NHSL2: variants seen among roughly 807,000 people sequenced by gnomAD.
NHSL2 encodes the protein NHS-like protein 2.
In NHSL2, 27 loss-of-function variants were observed where a neutral mutation model predicts 53.4. The observed-to-expected ratio is 0.51, with a 90% CI of 0.37 to 0.70. NHSL2 has a LOEUF of 0.70. Among genes scored for constraint, NHSL2 ranks in the 30% least tolerant of loss-of-function variants. The probability of loss-of-function intolerance (pLI) is 0.00; values close to 1 mark genes in which losing one functional copy is unlikely to be tolerated. For synonymous variants in NHSL2, 408 were observed against 404.1 expected, an observed-to-expected ratio of 1.01 and a Z score of -0.12; for missense variants, 892 against 980.1, an observed-to-expected ratio of 0.91 and a Z score of 1.20.
chrX:72,126,318 G>A (rs1406649234), intron 1 of NHSL2, among the ~76,000 whole-genome samples: 1 of 111,176 alleles, frequency 9.0e-6, no homozygotes, highest in Non-Finnish European at 1.9e-5. Flanking sequence ...AGTGGGGGCA[G>A]AGAGGTGCTA....
intron 1 of NHSL2, among the ~76,000 whole-genome samples, chrX:72,050,280 G>A (rs954828118): frequency 9.0e-6 from 1 of 111,255 alleles, no homozygotes; most frequent in East Asian, 2.8e-4. Flanking sequence ...TAGGGGCAAG[G>A]GTGGCAATGA....
intron 1 of NHSL2, among the ~76,000 whole-genome samples, chrX:72,058,452 C>T (rs1006564761): frequency 9.0e-6 from 1 of 111,681 alleles, no homozygotes; most frequent in Non-Finnish European, 1.9e-5. Context: ...TCAAGCGATT[C>T]TCCTGCCTCA....
At chrX:72,007,861 T>C (rs996659026) in intron 1 of NHSL2, among the ~76,000 whole-genome samples, 1 of 112,960 alleles carries the variant, frequency 8.9e-6, no homozygotes, top group African/African-American at 3.2e-5. Context: ...GGCTGATCTC[T>C]TTGGATTGAT....
intron 1 of NHSL2, among the ~76,000 whole-genome samples, chrX:72,125,051 G>A (rs1289025584): frequency 2.7e-5 from 2 of 75,387 alleles, no homozygotes; most frequent in Admixed American, 1.5e-4. Context: ...AAGCATTGGC[G>A]CATCTGACAG....
intron 1 of NHSL2, among the ~76,000 whole-genome samples, chrX:71,986,570 A>G (rs59896153): frequency 8.9e-6 from 1 of 112,638 alleles, no homozygotes; most frequent in East Asian, 2.8e-4. Flanking sequence ...TTTGAAACAG[A>G]AAACCAAATT....
At chrX:72,143,116 TGA>T in intron 7 of NHSL2, 135 bp from the exon 8 acceptor site, 41 of 449,466 alleles carry the variant, frequency 9.1e-5, no homozygotes, top group South Asian at 1.9e-4. Context: ...GATTTAGAGG[TGA>T]GAGAGAGAGA....
intron 1 of NHSL2, among the ~76,000 whole-genome samples, chrX:72,059,054 G>A (rs2042385275): frequency 9.0e-6 from 1 of 111,319 alleles, no homozygotes; most frequent in African/African-American, 3.3e-5. Flanking sequence ...CCAGCTCTGA[G>A]CTCTGGATCA....
At chrX:71,921,092 C>T (rs2041655883) in intron 1 of NHSL2, among the ~76,000 whole-genome samples, 1 of 109,206 alleles carries the variant, frequency 9.2e-6, no homozygotes, top group East Asian at 3.0e-4. Flanking sequence ...CGTGAGCCAC[C>T]GTTCCCGGCC....
intron 1 of NHSL2, among the ~76,000 whole-genome samples, chrX:72,126,247 G>A (rs1450534703): frequency 8.9e-6 from 1 of 111,738 alleles, no homozygotes; most frequent in Non-Finnish European, 1.9e-5. Context: ...TGGAGGCAGG[G>A]GGGGTAGGAC....
chrX:72,066,501 C>T (rs1342871945), intron 1 of NHSL2, among the ~76,000 whole-genome samples: 1 of 110,806 alleles, frequency 9.0e-6, no homozygotes, highest in Non-Finnish European at 1.9e-5. Context: ...GCTCCAGGGG[C>T]CACAATGGGG....
intron 1 of NHSL2, among the ~76,000 whole-genome samples, chrX:72,072,943 G>A (rs889259280): frequency 8.9e-6 from 1 of 111,768 alleles, no homozygotes; most frequent in Admixed American, 9.5e-5. Context: ...AACCTGCAGG[G>A]TGATCTTAGG....
chrX:71,928,864 T>C (rs1440001431), intron 1 of NHSL2, among the ~76,000 whole-genome samples: 1 of 112,051 alleles, frequency 8.9e-6, no homozygotes, highest in Non-Finnish European at 1.9e-5. Context: ...GAAGGTTTTG[T>C]CAGGCCAATA....
Position 72,142,240 on chromosome X carries a change from G to C in NHSL2, c.3232G>C (p.Val1078Leu). 6.0e-6 allele frequency: 7 copies of C among 1,163,773 alleles called. No homozygotes were observed. Among genetic ancestry groups the C allele is most frequent in the Non-Finnish European group, 8.0e-6 (7 of 870,098 alleles). ...EREASPLGSS[V>L]EPGTEEKSLI... ...TGGTTTTTTATGTCTAGGGAGTTCT[G>C]TGGAACCAGGCACCGAAGAAAAAAG... Residue 1078 changes from valine (V) to leucine (L), a missense_variant, in exon 7 of 8, where the codon GTG (valine) becomes CTG (leucine). Coordinates refer to ENST00000633930, the MANE Select transcript of NHSL2 (RefSeq NM_001013627.3).
chrX:72,069,608 G>GAGT, intron 1 of NHSL2: 1 of 742,431 alleles, frequency 1.3e-6, no homozygotes, highest in South Asian at 7.7e-5. Flanking sequence ...GGAGGAGGAG[G>GAGT]AGTAGGAGGA....
chrX:72,022,885 A>C (rs2042167061), intron 1 of NHSL2, among the ~76,000 whole-genome samples: 1 of 111,453 alleles, frequency 9.0e-6, no homozygotes, highest in South Asian at 3.7e-4. Flanking sequence ...AGCTCTTTGC[A>C]TTCCAGCCTG....
intron 1 of NHSL2, among the ~76,000 whole-genome samples, chrX:72,024,434 A>G (rs1278624302): frequency 8.9e-6 from 1 of 112,029 alleles, no homozygotes; most frequent in Non-Finnish European, 1.9e-5. Flanking sequence ...GCAGTATTTT[A>G]AAGGAGACAT....
intron 1 of NHSL2, among the ~76,000 whole-genome samples, chrX:72,049,809 G>C (rs1406897229): frequency 9.6e-6 from 1 of 103,675 alleles, no homozygotes; most frequent in Non-Finnish European, 2.0e-5. Context: ...GAAGAGCTGG[G>C]AACGCTCAAG....
At chrX:72,038,363 A>C (rs745876834) in intron 1 of NHSL2, among the ~76,000 whole-genome samples, 1 of 112,515 alleles carries the variant, frequency 8.9e-6, no homozygotes, top group African/African-American at 3.2e-5. Flanking sequence ...ATAAACAGTC[A>C]ATTATAAACT....
chrX:72,095,852 T>A (rs1334624167), intron 1 of NHSL2, among the ~76,000 whole-genome samples: 1 of 111,314 alleles, frequency 9.0e-6, no homozygotes, highest in East Asian at 2.8e-4. Flanking sequence ...TATGACAGGG[T>A]TATTCTGAGC....
Sources: gnomAD v4.1 joint callset for allele counts (sites outside exome capture counted in the v4.1 genomes callset) on GRCh38, gnomAD v4.1.1 for gene constraint, MANE v1.5 for transcripts, NCBI Gene and HGNC (gene_info 2026-07-23, HGNC 2026-07-21) for gene names.